TMEM116: variants seen among roughly 807,000 people sequenced by gnomAD.
TMEM116 encodes transmembrane protein 116.
Under a neutral mutation model 44.3 loss-of-function variants are expected in TMEM116, and 38 were observed. The ratio of observed to expected loss-of-function variants is 0.86; its 90% CI spans 0.66 to 1.12. The LOEUF is 1.12. Among genes scored for constraint, TMEM116 ranks in the 50% most tolerant of loss-of-function variants. The pLI is 0.00. For synonymous variants in TMEM116, 132 were observed against 144.8 expected (o/e 0.91, Z 0.64); for missense variants, 354 against 401.7 (o/e 0.88, Z 1.01).
chr12:111,940,567 G>GTATATATATATA (rs138347540), intron 5 of TMEM116, among the ~76,000 whole-genome samples: 5 of 130,206 alleles, frequency 3.8e-5, no homozygotes, highest in African/African-American at 1.5e-4. Context: ...ATATATGTGT[G>GTATATATATATA]TATATATATA....
chr12:111,969,872 G>A (rs2075231885), intron 4 of TMEM116, among the ~76,000 whole-genome samples: 2 of 152,138 alleles, frequency 1.3e-5, no homozygotes, highest in South Asian at 2.1e-4. Context: ...GAGCCACTGC[G>A]CCTGGCCTGA....
chr12:111,999,127 G>C (rs770871258), intron 3 of TMEM116, among the ~76,000 whole-genome samples: 19 of 151,470 alleles, frequency 1.3e-4, no homozygotes, highest in Non-Finnish European at 2.5e-4. Flanking sequence ...CCTAGTGCCT[G>C]GTAATAAAGA....
intron 1 of TMEM116, chr12:112,011,885 G>A (rs566651848): frequency 2.0e-5 from 3 of 152,296 alleles, no homozygotes; most frequent in East Asian, 3.9e-4. Context: ...TTATTGTAGA[G>A]ACGAGGTTTC....
At chr12:111,991,926 G>A in intron 3 of TMEM116, 37 bp from the exon 4 acceptor site, 1 of 1,518,722 alleles carries the variant, frequency 6.6e-7, no homozygotes, top group Non-Finnish European at 8.8e-7. Context: ...CATATGTGAT[G>A]TAGCTAGGAG....
At chr12:111,946,391 A>G (rs982700111) in intron 4 of TMEM116, among the ~76,000 whole-genome samples, 1 of 152,268 alleles carries the variant, frequency 6.6e-6, no homozygotes, top group Non-Finnish European at 1.5e-5. Context: ...TTAGTTCTAT[A>G]GATTATAGAT....
rs897464573 is a variant in TMEM116 at position 111,942,128 on chromosome 12, G to T, written c.315+1137C>A. Among the ~76,000 whole-genome samples the T allele has an allele frequency of 5.9e-5, 9 of 151,790 alleles. 1 individual carries two copies. Among genetic ancestry groups the T allele is most frequent in the Non-Finnish European group, 8.8e-5 (6 of 67,918 alleles). ...TAATTTTGTATTTTTAGTAGAGACGGGGTTTCTCCATATTAGTCAGGCTGG... is the reference window on the plus strand; with the variant it reads ...TAATTTTGTATTTTTAGTAGAGACGTGGTTTCTCCATATTAGTCAGGCTGG... On this transcript the variant is annotated intron_variant, in intron 5 of 10. Coordinates refer to ENST00000552374, the MANE Select transcript of TMEM116 (RefSeq NM_001193531.2).
At chr12:112,002,571 AAAAAAAAG>A (rs1398129363) in intron 3 of TMEM116, among the ~76,000 whole-genome samples, 1 of 151,712 alleles carries the variant, frequency 6.6e-6, no homozygotes, top group Non-Finnish European at 1.5e-5. Flanking sequence ...TCTCAAAAAA[AAAAAAAAG>A]AAAAAAAGAA....
At chr12:111,957,681 TC>T (rs1357827970) in intron 4 of TMEM116, among the ~76,000 whole-genome samples, 1 of 133,738 alleles carries the variant, frequency 7.5e-6, no homozygotes, top group Non-Finnish European at 1.6e-5. Flanking sequence ...CTGGCCGCCG[TC>T]CCGTCTGGGA....
At chr12:111,960,491 CAAAAAA>C (rs545322547) in intron 4 of TMEM116, among the ~76,000 whole-genome samples, 4 of 28,574 alleles carry the variant, frequency 1.4e-4, no homozygotes, top group African/African-American at 3.6e-4. Context: ...GACTCCGTCT[CAAAAAA>C]AAAAAAAAAA....
intron 4 of TMEM116, among the ~76,000 whole-genome samples, chr12:111,956,062 A>C (rs774750055): frequency 1.3e-5 from 2 of 152,334 alleles, no homozygotes; most frequent in Non-Finnish European, 2.9e-5. Flanking sequence ...TTCTCAGGTA[A>C]GTTCCAGAAT....
At chr12:111,956,635 T>C (rs1864370360) in intron 4 of TMEM116, among the ~76,000 whole-genome samples, 1 of 152,192 alleles carries the variant, frequency 6.6e-6, no homozygotes, top group Non-Finnish European at 1.5e-5. Flanking sequence ...TGCCTCAGCC[T>C]GCCGAGTGCC....
At chr12:111,943,571 G>C (rs2073032790) in intron 4 of TMEM116, among the ~76,000 whole-genome samples, 3 of 152,250 alleles carry the variant, frequency 2.0e-5, no homozygotes, top group African/African-American at 7.2e-5. Context: ...TTTCGCTATT[G>C]TTGCCTAAGC....
intron 3 of TMEM116, among the ~76,000 whole-genome samples, chr12:111,997,409 A>G (rs572897692): frequency 1.3e-5 from 2 of 152,250 alleles, no homozygotes; most frequent in South Asian, 4.1e-4. Flanking sequence ...AAAATTAAAA[A>G]AAATAGCTGG....
intron 8 of TMEM116, chr12:111,934,268 A>G: frequency 2.3e-6 from 1 of 442,284 alleles, no homozygotes; most frequent in East Asian, 4.1e-5. Flanking sequence ...TATCACGTTT[A>G]ACACATGAAC....
At chr12:111,943,233 A>C (rs759060262) in intron 5 of TMEM116, 32 bp downstream of exon 5, 1 of 1,539,948 alleles carries the variant, frequency 6.5e-7, no homozygotes, top group Admixed American at 1.7e-5. Context: ...CTAGCATACT[A>C]TTATTAACTA....
chr12:111,940,472 T>TACACACACACACACACACAC (rs763389000), intron 5 of TMEM116, among the ~76,000 whole-genome samples: 1 of 97,584 alleles, frequency 1.0e-5, no homozygotes, highest in African/African-American at 4.9e-5. Context: ...CACATATATA[T>TACACACACACACACACACAC]ATATACATAC....
At chr12:111,962,160 T>C (rs1166702390) in intron 4 of TMEM116, among the ~76,000 whole-genome samples, 1 of 152,048 alleles carries the variant, frequency 6.6e-6, no homozygotes, top group Non-Finnish European at 1.5e-5. Context: ...CTGAAGGAAA[T>C]AAGAGAGGAC....
intron 4 of TMEM116, among the ~76,000 whole-genome samples, chr12:111,947,515 T>C (rs988330829): frequency 5.3e-5 from 8 of 152,198 alleles, no homozygotes; most frequent in African/African-American, 1.9e-4. Context: ...GTTATTGATA[T>C]AAATGTTCCA....
intron 5 of TMEM116, among the ~76,000 whole-genome samples, chr12:111,942,689 A>G (rs775773005): frequency 3.9e-5 from 6 of 152,220 alleles, no homozygotes; most frequent in Non-Finnish European, 8.8e-5. Flanking sequence ...GGAGTCAAGA[A>G]GAATTTCCCT....
Sources: gnomAD v4.1 joint callset for allele counts (sites outside exome capture counted in the v4.1 genomes callset) on GRCh38, gnomAD v4.1.1 for gene constraint, MANE v1.5 for transcripts, NCBI Gene and HGNC (gene_info 2026-07-23, HGNC 2026-07-21) for gene names.